GLIS3: variants seen among roughly 807,000 people sequenced by gnomAD.
GLIS3 encodes the protein GLIS family zinc finger 3, also known as zinc finger protein GLIS3.
In GLIS3, 53 loss-of-function variants were observed where a neutral mutation model predicts 78.6. The observed-to-expected ratio is 0.67, with a 90% CI of 0.54 to 0.85. The LOEUF is 0.85. Ranked by LOEUF, GLIS3 falls within the 40% of genes least tolerant of loss-of-function variation. The pLI, the probability that GLIS3 is intolerant of heterozygous loss-of-function variation, is 0.00. For missense variants in GLIS3, 1,703 were observed against 1,231.1 expected, an observed-to-expected ratio of 1.38 and a Z score of -5.74; for synonymous variants, 684 against 509.9, an observed-to-expected ratio of 1.34 and a Z score of -4.60.
chr9:4,220,891 G>A (rs974172107), intron 2 of GLIS3, among the ~76,000 whole-genome samples: 2 of 152,108 alleles, frequency 1.3e-5, no homozygotes, highest in Non-Finnish European at 2.9e-5. Flanking sequence ...AGGCTGAGGT[G>A]GGAGGATCGC....
At chr9:4,084,982 G>A (rs568797499) in intron 4 of GLIS3, among the ~76,000 whole-genome samples, 6 of 143,198 alleles carry the variant, frequency 4.2e-5, no homozygotes, top group Non-Finnish European at 6.1e-5. Context: ...TACAAACAAC[G>A]CAATGCAAAA....
intron 2 of GLIS3, among the ~76,000 whole-genome samples, chr9:4,240,410 A>T (rs1290802161): frequency 6.6e-6 from 1 of 152,062 alleles, no homozygotes; most frequent in African/African-American, 2.4e-5. Context: ...CTGCTGTGGG[A>T]CCCAGTTCCT....
At chr9:3,868,193 C>T (rs1028258419) in intron 8 of GLIS3, among the ~76,000 whole-genome samples, 2 of 152,158 alleles carry the variant, frequency 1.3e-5, no homozygotes, top group Non-Finnish European at 2.9e-5. Context: ...CATCAGTGAC[C>T]ACAGAGCAGT....
chr9:4,258,573 G>A (rs1231960987), intron 2 of GLIS3, among the ~76,000 whole-genome samples: 1 of 152,152 alleles, frequency 6.6e-6, no homozygotes, highest in Non-Finnish European at 1.5e-5. Flanking sequence ...GATTCATAAT[G>A]GGTAAAGAAT....
At chr9:3,979,518 T>C (rs1422708993) in intron 4 of GLIS3, among the ~76,000 whole-genome samples, 3 of 152,224 alleles carry the variant, frequency 2.0e-5, no homozygotes, top group Non-Finnish European at 4.4e-5. Context: ...TATGTGACTT[T>C]GGGACAGTGA....
intron 4 of GLIS3, among the ~76,000 whole-genome samples, chr9:4,079,320 G>C (rs755315706): frequency 6.6e-5 from 10 of 152,162 alleles, no homozygotes; most frequent in Non-Finnish European, 1.3e-4. Flanking sequence ...AGTCTCACAG[G>C]CTTAAGATCC....
chr9:3,838,943 T>TA lies in GLIS3; in HGVS notation c.2474-9452dup, dbSNP rs1818542798. ...CAGATAACGTTGCTGAAAAAGCTCCTAGAGGGCATAAGAATATAGTCTTTG... is the reference window on the plus strand; with the variant it reads ...CAGATAACGTTGCTGAAAAAGCTCCTAAGAGGGCATAAGAATATAGTCTTTG... On this transcript the variant is annotated intron_variant, in intron 9 of 10. Coordinates refer to ENST00000381971, the MANE Select transcript of GLIS3 (RefSeq NM_001042413.2). Among the ~76,000 whole-genome samples the TA allele has an allele frequency of 5.9e-5, 9 of 152,296 alleles. 1 individual carries two copies. In the South Asian group the frequency reaches 1.9e-3, roughly 32 times the overall value.
At chr9:4,431,475 A>G in the GLIS3 span, among the ~76,000 whole-genome samples, 11 of 152,248 alleles carry the variant, frequency 7.2e-5, no homozygotes, top group Admixed American at 3.3e-4. Flanking sequence ...CATGTAGTCA[A>G]TCAGGGAGTC....
At chr9:4,097,100 G>A (rs1460616725) in intron 4 of GLIS3, among the ~76,000 whole-genome samples, 4 of 152,158 alleles carry the variant, frequency 2.6e-5, no homozygotes, top group African/African-American at 7.2e-5. Flanking sequence ...TCCATGGGGA[G>A]GGCTTCTGTT....
the GLIS3 span, among the ~76,000 whole-genome samples, chr9:4,381,507 G>A: frequency 6.6e-6 from 1 of 152,108 alleles, no homozygotes; most frequent in Non-Finnish European, 1.5e-5. Context: ...AGAGTTGCAT[G>A]GTCACATAGT....
chr9:4,011,035 G>A (rs952721060), intron 4 of GLIS3, among the ~76,000 whole-genome samples: 16 of 152,190 alleles, frequency 1.1e-4, no homozygotes, highest in African/African-American at 3.4e-4. Flanking sequence ...GGAGCTCAGC[G>A]GGGAGTGGAG....
At chr9:4,362,803 G>A in the GLIS3 span, among the ~76,000 whole-genome samples, 1 of 152,186 alleles carries the variant, frequency 6.6e-6, no homozygotes, top group South Asian at 2.1e-4. Context: ...GACCTAGAGA[G>A]CTTGCCAGAG....
the GLIS3 span, among the ~76,000 whole-genome samples, chr9:4,398,299 G>A: frequency 0.14 from 21,867 of 151,850 alleles, 1,713 homozygotes; most frequent in Middle Eastern, 0.18. Flanking sequence ...TATGATCCCT[G>A]AATTAGCAGC....
the GLIS3 span, among the ~76,000 whole-genome samples, chr9:4,365,705 T>A: frequency 6.6e-6 from 1 of 152,248 alleles, no homozygotes; most frequent in Non-Finnish European, 1.5e-5. Flanking sequence ...ACTACTTGCT[T>A]GCAGTGCTGC....
intron 2 of GLIS3, among the ~76,000 whole-genome samples, chr9:4,222,177 A>G (rs767745895): frequency 2.0e-5 from 3 of 152,174 alleles, no homozygotes; most frequent in Non-Finnish European, 2.9e-5. Flanking sequence ...ATCACTTTGT[A>G]AGCTCTAAGT....
chr9:3,856,908 ATGT>A (rs1409921336), intron 8 of GLIS3, among the ~76,000 whole-genome samples: 3 of 152,160 alleles, frequency 2.0e-5, no homozygotes, highest in Non-Finnish European at 4.4e-5. Context: ...AAATAAGGAG[ATGT>A]TGTCAAGAAA....
chr9:4,019,911 G>C (rs1162810358), intron 4 of GLIS3, among the ~76,000 whole-genome samples: 1 of 151,668 alleles, frequency 6.6e-6, no homozygotes, highest in Non-Finnish European at 1.5e-5. Flanking sequence ...TAAAAAATTA[G>C]CATCTGGCTA....
At chr9:4,257,463 T>C (rs1255159062) in intron 2 of GLIS3, among the ~76,000 whole-genome samples, 6 of 152,156 alleles carry the variant, frequency 3.9e-5, no homozygotes, top group Non-Finnish European at 5.9e-5. Flanking sequence ...GGCAAGGGAA[T>C]AGATTTTGGG....
intron 2 of GLIS3, among the ~76,000 whole-genome samples, chr9:4,219,015 G>C (rs1268038473): frequency 6.6e-6 from 1 of 152,166 alleles, no homozygotes; most frequent in Admixed American, 6.5e-5. Context: ...ATTATCTCCA[G>C]CATTGCCTGG....
Sources: allele counts gnomAD v4.1 joint callset (sites outside exome capture counted in the v4.1 genomes callset), GRCh38; gene constraint gnomAD v4.1.1; transcripts MANE v1.5; gene names NCBI Gene and HGNC (gene_info 2026-07-23, HGNC 2026-07-21).